MKI67: variants seen among roughly 807,000 people sequenced by gnomAD.
MKI67 encodes proliferation marker protein Ki-67.
A neutral mutation model predicts 233.5 loss-of-function variants in MKI67; 152 were observed. The observed-to-expected ratio is 0.65, with a 90% CI of 0.57 to 0.74. The LOEUF is 0.74. MKI67 is among the 30% of genes least tolerant of loss of function. The pLI is 0.00. For missense variants in MKI67, 3,940 were observed against 3,885.2 expected (o/e 1.01, Z -0.37); for synonymous variants, 1,465 against 1,418.5 (o/e 1.03, Z -0.74).
At position 128,107,099 on chromosome 10, in the gene MKI67, T is replaced by G. The variant is rs1852519937; in HGVS notation, c.4741A>C (p.Lys1581Gln). 2.5e-6 allele frequency: 4 copies of G among 1,613,716 alleles called. No homozygotes were observed. The change falls in exon 13 of 15, where the codon AAG (lysine) becomes CAG (glutamine). Residue 1581 changes from lysine to glutamine, a missense_variant. Coordinates refer to ENST00000368654, the MANE Select transcript of MKI67 (RefSeq NM_002417.5). ...SKRRLQTPKEKAQALEDLAGF... is the reference protein window; with the variant it reads ...SKRRLQTPKEQAQALEDLAGF... ...GCCAGGTCTTCTAGAGCCTGGGCCTTTTCCTTAGGAGTTTGTAGCCGTCTC... is the reference window on the plus strand; with the variant it reads ...GCCAGGTCTTCTAGAGCCTGGGCCTGTTCCTTAGGAGTTTGTAGCCGTCTC...
chr10:128,108,002 C>T lies in MKI67; in HGVS notation c.3838G>A (p.Gly1280Arg). ...KRSIRKADVE[G>R]ELLACRNLMP... is the part of the protein sequence containing the mutation. ...AGATTCCTGCACGCTAAGAGTTCTC[C>T]CTCTACATCTGCTTTCCTGATACTT... is the stretch of plus-strand genomic sequence containing the variant. Residue 1280 changes from glycine (G) to arginine (R), a missense_variant, in exon 13 of 15, where the codon GGA (glycine) becomes AGA (arginine). By Grantham distance (125) the Gly-to-Arg change is moderately radical. Transcript: ENST00000368654. The T allele has an allele frequency of 1.2e-6, 2 of 1,612,942 alleles. No individual in the cohort carries two copies. The highest frequency in any genetic ancestry group is 8.5e-7 in the Non-Finnish European group (1 of 1,179,786).
At chr10:128,116,669 G>A in intron 5 of MKI67, 133 bp from the exon 6 acceptor site, 1 of 764,242 alleles carries the variant, frequency 1.3e-6, no homozygotes, top group Non-Finnish European at 2.2e-6. Context: ...CACTTTGGGA[G>A]GCCAAGGTGG....
intron 7 of MKI67, among the ~76,000 whole-genome samples, chr10:128,114,606 C>A (rs527457015): frequency 6.6e-6 from 1 of 152,328 alleles, no homozygotes; most frequent in African/African-American, 2.4e-5. Flanking sequence ...ATGTGAAAAG[C>A]AATTATGATT....
At chr10:128,121,406 T>A (rs1034293079) in intron 4 of MKI67, among the ~76,000 whole-genome samples, 5 of 142,636 alleles carry the variant, frequency 3.5e-5, no homozygotes, top group Middle Eastern at 7.3e-3. Flanking sequence ...GTATATATAT[T>A]GTATATGTAT....
In MKI67 at chr10:128,099,128, A is replaced by C; in HGVS notation, c.*62T>G. 1 of 1,306,822 alleles carries C rather than the reference A, an allele frequency of 7.7e-7. No individual in the cohort carries two copies. Among genetic ancestry groups the C allele is most frequent in the Non-Finnish European group, 1.1e-6 (1 of 925,282 alleles). The allele number at this position is 1,306,822 out of a possible 1,614,324, so 81.0% of individuals were successfully genotyped here. On this transcript the variant is annotated 3_prime_UTR_variant, in exon 15 of 15. Coordinates refer to ENST00000368654, the MANE Select transcript of MKI67 (RefSeq NM_002417.5). ...GAATTCACTTGTAATTTATGACAAAAACTGCACTAGAACTTATCACAAAAC... is the reference window on the plus strand; with the variant it reads ...GAATTCACTTGTAATTTATGACAAACACTGCACTAGAACTTATCACAAAAC...
chr10:128,102,569 T>G lies in MKI67; in HGVS notation c.9261+10A>C. On this transcript the variant is annotated intron_variant, in intron 13 of 14. Transcript: ENST00000368654. ...ACGATATTGAGTGATGCTGTAATAC[T>G]TCCTCTCACCTTATTTTCAGGGACC... is the stretch of plus-strand genomic sequence containing the variant. 1 of 1,611,024 alleles carries G rather than the reference T, an allele frequency of 6.2e-7. No homozygotes were observed. Among genetic ancestry groups the G allele is most frequent in the South Asian group, 1.1e-5 (1 of 90,972 alleles).
chr10:128,118,398 A>AAAG (rs1491406925), intron 5 of MKI67, among the ~76,000 whole-genome samples: 1 of 124,332 alleles, frequency 8.0e-6, no homozygotes, highest in Non-Finnish European at 1.8e-5. Context: ...TCCGTCTCAG[A>AAAG]AAAAAAAAAA....
rs959723867 is a variant in MKI67 at position 128,096,910 on chromosome 10, C to G, written c.*2280G>C. The G allele has an allele frequency of 3.3e-5, 5 of 152,244 alleles. No homozygotes were observed. In the East Asian group the frequency reaches 5.8e-4, roughly 18 times the overall value. The allele number at this position is 152,244 out of a possible 1,614,324, so 9.4% of individuals were successfully genotyped here. ...GCATGGGGGTGAGGGAACCCACAGG[C>G]AAGAAGCCTCCCTTAAGCTGAGCTC... On this transcript the variant is annotated 3_prime_UTR_variant, in exon 15 of 15. Coordinates refer to ENST00000368654, the MANE Select transcript of MKI67 (RefSeq NM_002417.5).
chr10:128,108,313 G>C lies in MKI67; in HGVS notation c.3527C>G (p.Thr1176Arg), dbSNP rs117795868. 1.9e-6 allele frequency: 3 copies of C among 1,613,954 alleles called. No individual in the cohort carries two copies. In the African/African-American group the frequency reaches 4.0e-5, roughly 22 times the overall value. The change falls in exon 13 of 15, where the codon ACG becomes AGG. Residue 1176 changes from threonine (T) to arginine (R), a missense_variant. Coordinates refer to ENST00000368654, the MANE Select transcript of MKI67 (RefSeq NM_002417.5). ...CTCATCACCTCCTGCTGGTTTGGGC[G>C]TAAGCATGGCTTTCCCTGCTGATGG... The part of the protein sequence containing the change: ...LTPSAGKAML[T>R]PKPAGGDEKD...
In MKI67 at chr10:128,105,661, T is replaced by A; in HGVS notation, c.6179A>T (p.Glu2060Val). ...LDPANYGTGM[E>V]RWPRTPKEEA... ...TTCCTTAGGTGTTCTTGGCCACCTCTCCATCCCAGTTCCATAGTTTGCTGG... is the reference window on the plus strand; with the variant it reads ...TTCCTTAGGTGTTCTTGGCCACCTCACCATCCCAGTTCCATAGTTTGCTGG... The change falls in exon 13 of 15, where the codon GAG becomes GTG. Residue 2060 changes from glutamate to valine, a missense_variant. Transcript: ENST00000368654. 1 of 1,613,870 alleles carries A rather than the reference T, an allele frequency of 6.2e-7. No homozygotes were observed. The highest frequency in any genetic ancestry group is 8.5e-7 in the Non-Finnish European group (1 of 1,179,960).
chr10:128,123,287 G>T, intron 2 of MKI67, 118 bp from the exon 3 acceptor site: 1 of 732,972 alleles, frequency 1.4e-6, no homozygotes, highest in Admixed American at 2.5e-5. Context: ...TGACATAAAG[G>T]AGTAACAAAC....
At position 128,101,267 on chromosome 10, in the gene MKI67, A is replaced by AT; in HGVS notation, c.9695dup (p.Asn3232LysfsTer6). The AT allele has an allele frequency of 6.2e-7, 1 of 1,607,900 alleles. No individual in the cohort carries two copies. Among genetic ancestry groups the AT allele is most frequent in the Non-Finnish European group, 8.5e-7 (1 of 1,174,962 alleles). On this transcript the variant is annotated frameshift_variant, in exon 14 of 15. Transcript: ENST00000368654. LOFTEE classifies it low-confidence loss of function (END_TRUNC). ...ACAGTAAATGGCTTACCTTCTTTGG[A>AT]TTTTCTGCACACCTCTTGACACTCC... is the stretch of plus-strand genomic sequence containing the variant.
At position 128,104,249 on chromosome 10, in the gene MKI67, G is replaced by T; in HGVS notation, c.7591C>A (p.Gln2531Lys). 6.2e-7 allele frequency: 1 copy of T among 1,614,078 alleles called. No individual in the cohort carries two copies. Among genetic ancestry groups the T allele is most frequent in the Non-Finnish European group, 8.5e-7 (1 of 1,180,016 alleles). ...SIKAFKESPK[Q>K]ILDPAASVTG... ...ACACTTGCTGCTGGGTCCAGGATCTGCTTTGGAGACTCCTTAAACGCTTTG... is the reference window on the plus strand; with the variant it reads ...ACACTTGCTGCTGGGTCCAGGATCTTCTTTGGAGACTCCTTAAACGCTTTG... Residue 2531 changes from glutamine to lysine, a missense_variant, in exon 13 of 15, where the codon CAG becomes AAG. Physicochemically the swap from Gln to Lys is moderately conservative, Grantham distance 53. Transcript: ENST00000368654.
rs1262408021 is a variant in MKI67, at chr10:128,123,169, C to A, written c.93G>T (p.Arg31Ser). The change falls in exon 3 of 15, where the codon AGG (arginine) becomes AGT (serine). Residue 31 changes from arginine to serine, a missense_variant and splice_region_variant. Arg to Ser is a moderately radical substitution (Grantham distance 110). Coordinates refer to ENST00000368654, the MANE Select transcript of MKI67 (RefSeq NM_002417.5). ...GGATACGGATGTCACATTCAATACC[C>A]CTTCATGCAAAAGAAGAAGGTTTTT... is the stretch of plus-strand genomic sequence containing the variant. ...PLSLSTCLFG[R>S]GIECDIRIQL... 1 of 1,610,548 alleles carries A rather than the reference C, an allele frequency of 6.2e-7. No individual in the cohort carries two copies. Among genetic ancestry groups the A allele is most frequent in the South Asian group, 1.1e-5 (1 of 90,320 alleles).
In MKI67 at chr10:128,105,529, T is replaced by A; in HGVS notation, c.6311A>T (p.Lys2104Ile). 1 of 1,613,494 alleles carries A rather than the reference T, an allele frequency of 6.2e-7. No homozygotes were observed. Among genetic ancestry groups the A allele is most frequent in the Non-Finnish European group, 8.5e-7 (1 of 1,179,866 alleles). The change falls in exon 13 of 15, where the codon AAA becomes ATA. Residue 2104 changes from lysine (K) to isoleucine (I), a missense_variant. Lys to Ile is a moderately radical substitution (Grantham distance 102, BLOSUM62 -3). Transcript: ENST00000368654. ...GTCCATTGATTCTGGTGGTGGAGAT[T>A]TGCAGGCTATTTTGGTAGTTTTGTC... The part of the protein sequence containing the change: ...TDDKTTKIAC[K>I]SPPPESMDTP...
chr10:128,105,438 G>C lies in MKI67; in HGVS notation c.6402C>G (p.Leu2134=). ...PLGKRDIVEE[L]SALKQLTQTT... is the part of the protein sequence containing the mutation. ...TCTGTGTGAGCTGCTTCAGGGCTGA[G>C]AGCTCTTCCACTATATCCCTTTTCC... The change falls in exon 13 of 15, where the codon CTC becomes CTG. Residue 2134 remains leucine (L), a synonymous_variant. Coordinates refer to ENST00000368654, the MANE Select transcript of MKI67 (RefSeq NM_002417.5). 6.2e-7 allele frequency: 1 copy of C among 1,614,162 alleles called. No homozygotes were observed. The highest frequency in any genetic ancestry group is 8.5e-7 in the Non-Finnish European group (1 of 1,180,034).
chr10:128,118,017 C>A (rs146012602), intron 5 of MKI67, among the ~76,000 whole-genome samples: 1 of 152,276 alleles, frequency 6.6e-6, no homozygotes, highest in East Asian at 1.9e-4. Context: ...GTGTGGGATG[C>A]CTCAGAAACT....
At position 128,104,903 on chromosome 10, in the gene MKI67, G is replaced by C. The variant is rs568147972; in HGVS notation, c.6937C>G (p.Leu2313Val). 1.1e-4 allele frequency: 176 copies of C among 1,612,364 alleles called. No homozygotes were observed. The Admixed American group carries it at 2.6e-3, about 23-fold the overall frequency. The change falls in exon 13 of 15, where the codon CTA becomes GTA. Residue 2313 changes from leucine (L) to valine (V), a missense_variant. Coordinates refer to ENST00000368654, the MANE Select transcript of MKI67 (RefSeq NM_002417.5). The stretch of plus-strand genomic sequence containing the variant: ...TCTTTGAAGCCAGCCAGGTCTTCTA[G>C]AGCCTGGGCCTTTTCCTTAGGAGTT... ...PQTPKEKAQA[L>V]EDLAGFKELF... is the part of the protein sequence containing the mutation.
Position 128,108,976 on chromosome 10 carries a change from C to T in MKI67, c.2864G>A (p.Gly955Glu). Reference sequence around the variant, plus strand: ...GTCAGACATTGGTGCACATTTCTGCCCCCAAGTTCTTGATCTCTTCATTGC... The same window carrying T: ...GTCAGACATTGGTGCACATTTCTGCTCCCAAGTTCTTGATCTCTTCATTGC... ...MKAMKRSRTW[G>E]QKCAPMSDLT... The change falls in exon 13 of 15, where the codon GGG (glycine) becomes GAG (glutamate). Residue 955 changes from glycine (G) to glutamate (E), a missense_variant. By Grantham distance (98) the Gly-to-Glu change is moderately conservative. Transcript: ENST00000368654. 2 of 1,614,160 alleles carry T rather than the reference C, an allele frequency of 1.2e-6. No homozygotes were observed. Among genetic ancestry groups the T allele is most frequent in the African/African-American group, 2.7e-5 (2 of 75,026 alleles).
Sources: gnomAD v4.1 joint callset for allele counts (sites outside exome capture counted in the v4.1 genomes callset) on GRCh38, gnomAD v4.1.1 for gene constraint, MANE v1.5 for transcripts, NCBI Gene and HGNC (gene_info 2026-07-23, HGNC 2026-07-21) for gene names.